Variants in SCGB1D4 observed in about 807,000 individuals in gnomAD.
SCGB1D4 encodes IFN-gamma inducible SCGB (IIS).
A neutral mutation model predicts 8.1 loss-of-function variants in SCGB1D4; 6 were observed. That is an observed-to-expected ratio of 0.74 (90% CI 0.40 to 1.45). The LOEUF (loss-of-function observed/expected upper bound fraction) is 1.45, where lower values mean the gene tolerates loss of function less well. SCGB1D4 is among the 40% of genes most tolerant of loss of function. The pLI, the probability that SCGB1D4 is intolerant of heterozygous loss-of-function variation, is 0.02. For missense variants in SCGB1D4, 93 were observed against 95.0 expected (o/e 0.98, Z 0.09); for synonymous variants, 34 against 38.1 (o/e 0.89, Z 0.39).
intron 1 of SCGB1D4, 38 bp downstream of exon 1, chr11:62,298,918 C>A: frequency 1.2e-6 from 2 of 1,605,346 alleles, no homozygotes; most frequent in Non-Finnish European, 1.7e-6. Context: ...AGGGTGCATC[C>A]CAGGGGCTGG....
At chr11:62,297,210 G>A (rs997011967) in intron 2 of SCGB1D4, among the ~76,000 whole-genome samples, 1 of 152,168 alleles carries the variant, frequency 6.6e-6, no homozygotes, top group African/African-American at 2.4e-5. Flanking sequence ...TCCTCTCCCT[G>A]TTCAAATCTC....
chr11:62,298,010 T>TTG (rs71458409), intron 1 of SCGB1D4, among the ~76,000 whole-genome samples: 5,896 of 116,174 alleles, frequency 0.051, 165 homozygotes, highest in Non-Finnish European at 0.059. Flanking sequence ...ATGCCCGCTT[T>TTG]TGTGTGTGTG....
intron 1 of SCGB1D4, among the ~76,000 whole-genome samples, chr11:62,298,069 G>A (rs1156447648): frequency 1.7e-5 from 1 of 57,268 alleles, no homozygotes; most frequent in African/African-American, 6.2e-5. Flanking sequence ...TTTTTTTTTT[G>A]TAGAGATGGG....
intron 1 of SCGB1D4, 89 bp from the exon 2 acceptor site, chr11:62,297,747 T>C (rs1945454632): frequency 1.9e-6 from 2 of 1,053,238 alleles, no homozygotes; most frequent in Admixed American, 4.5e-5. Context: ...CAGGATCCCC[T>C]GGGTTCTATG....
intron 2 of SCGB1D4, among the ~76,000 whole-genome samples, chr11:62,297,108 G>A (rs1565139333): frequency 6.6e-6 from 1 of 152,184 alleles, no homozygotes. Context: ...CTGAGGAGCT[G>A]CAAGGGGCTC....
At position 62,296,416 on chromosome 11, in the gene SCGB1D4, CCA is replaced by C; in HGVS notation, c.244_245del (p.Trp82GlufsTer9). On this transcript the variant is annotated frameshift_variant and splice_region_variant, in exon 3 of 3. Coordinates refer to ENST00000358585, the MANE Select transcript of SCGB1D4 (RefSeq NM_206998.2). LOFTEE classifies it high-confidence loss of function. ...KKRLSLKKSW[W>X]K ...CACACACCACATTTTTTCACTATTT[CCA>C]CCTGAAATCAAAAAAAAGAAAGAAA... 1 of 1,604,924 alleles carries C rather than the reference CCA, an allele frequency of 6.2e-7. No individual in the cohort carries two copies. Among genetic ancestry groups the C allele is most frequent in the East Asian group, 2.2e-5 (1 of 44,678 alleles).
At chr11:62,296,490 A>G in intron 2 of SCGB1D4, 71 bp from the exon 3 acceptor site, 5 of 1,502,546 alleles carry the variant, frequency 3.3e-6, no homozygotes, top group Non-Finnish European at 4.6e-6. Context: ...ATGATAGGCT[A>G]ACATCAAAGA....
intron 2 of SCGB1D4, 82 bp from the exon 3 acceptor site, chr11:62,296,501 G>C: frequency 7.0e-7 from 1 of 1,436,344 alleles, no homozygotes; most frequent in Non-Finnish European, 9.6e-7. Flanking sequence ...ACATCAAAGA[G>C]GCCAATGGGA....
intron 2 of SCGB1D4, 38 bp downstream of exon 2, chr11:62,297,434 G>C (rs1263286829): frequency 2.7e-6 from 4 of 1,504,178 alleles, no homozygotes; most frequent in Non-Finnish European, 3.7e-6. Flanking sequence ...GTGCAGCTGA[G>C]TTGAATTCTG....
intron 2 of SCGB1D4, among the ~76,000 whole-genome samples, chr11:62,297,214 A>G (rs975831637): frequency 1.3e-5 from 2 of 152,132 alleles, no homozygotes; most frequent in African/African-American, 4.8e-5. Context: ...CTCCCTGTTC[A>G]AATCTCCCAC....
intron 1 of SCGB1D4, among the ~76,000 whole-genome samples, chr11:62,298,050 TGTTTTG>T (rs1945458474): frequency 8.4e-6 from 1 of 118,790 alleles, no homozygotes; most frequent in East Asian, 2.9e-4. Flanking sequence ...GTGTGTGTTT[TGTTTTG>T]TTTTTTTTTT....
chr11:62,296,500 A>T, intron 2 of SCGB1D4, 81 bp from the exon 3 acceptor site: 1 of 1,440,096 alleles, frequency 6.9e-7, no homozygotes, highest in East Asian at 2.3e-5. Context: ...AACATCAAAG[A>T]GGCCAATGGG....
chr11:62,297,441 T>A (rs1451866191), intron 2 of SCGB1D4, 31 bp downstream of exon 2: 1 of 1,546,800 alleles, frequency 6.5e-7, no homozygotes, highest in Non-Finnish European at 8.9e-7. Context: ...TGAGTTGAAT[T>A]CTGCCTCTGC....
In SCGB1D4 at chr11:62,296,433, AAAG is replaced by A. The variant is rs758355635; in HGVS notation, c.243-17_243-15del. The A allele has an allele frequency of 8.1e-5, 129 of 1,599,862 alleles. 1 individual carries two copies. Among genetic ancestry groups the A allele is most frequent in the South Asian group, 2.5e-4 (23 of 90,578 alleles). On this transcript the variant is annotated splice_polypyrimidine_tract_variant and intron_variant, in intron 2 of 2. Coordinates refer to ENST00000358585, the MANE Select transcript of SCGB1D4 (RefSeq NM_206998.2). ...CACTATTTCCACCTGAAATCAAAAAAAAGAAAGAAAGAAAGAAAGGTGAGGTCA... is the reference window on the plus strand; with the variant it reads ...CACTATTTCCACCTGAAATCAAAAAAAAAGAAAGAAAGAAAGGTGAGGTCA...
intron 2 of SCGB1D4, 37 bp from the exon 3 acceptor site, chr11:62,296,456 A>T: frequency 6.2e-7 from 1 of 1,600,072 alleles, no homozygotes; most frequent in Non-Finnish European, 8.5e-7. Flanking sequence ...AAGAAAGGTG[A>T]GGTCAGTCAT....
chr11:62,297,430 C>T (rs549479782), intron 2 of SCGB1D4, 42 bp downstream of exon 2: 4 of 1,459,096 alleles, frequency 2.7e-6, no homozygotes, highest in East Asian at 2.3e-5. Context: ...CTGTGTGCAG[C>T]TGAGTTGAAT....
chr11:62,298,010 T>TTGTGTGTG (rs71458409), intron 1 of SCGB1D4, among the ~76,000 whole-genome samples: 1,246 of 116,184 alleles, frequency 0.011, 30 homozygotes, highest in African/African-American at 0.039. Context: ...ATGCCCGCTT[T>TTGTGTGTG]TGTGTGTGTG....
intron 1 of SCGB1D4, among the ~76,000 whole-genome samples, chr11:62,298,146 C>A (rs1945459970): frequency 6.6e-6 from 1 of 151,214 alleles, no homozygotes; most frequent in Non-Finnish European, 1.5e-5. Context: ...CTGTGGCCTC[C>A]CAAAGTGCTA....
chr11:62,296,430 A>G lies in SCGB1D4; in HGVS notation c.243-11T>C, dbSNP rs779753499. On this transcript the variant is annotated splice_polypyrimidine_tract_variant and intron_variant, in intron 2 of 2. Coordinates refer to ENST00000358585, the MANE Select transcript of SCGB1D4 (RefSeq NM_206998.2). ...TTTCACTATTTCCACCTGAAATCAA[A>G]AAAAAGAAAGAAAGAAAGAAAGGTG... 1.2e-6 allele frequency: 2 copies of G among 1,612,140 alleles called. No homozygotes were observed. The highest frequency in any genetic ancestry group is 1.6e-4 in the Middle Eastern group (1 of 6,062).
Sources: gnomAD v4.1 joint callset for allele counts (sites outside exome capture counted in the v4.1 genomes callset) on GRCh38, gnomAD v4.1.1 for gene constraint, MANE v1.5 for transcripts, NCBI Gene and HGNC (gene_info 2026-07-23, HGNC 2026-07-21) for gene names.